The following PTPRT variants were observed in gnomAD, a reference collection of about 807,000 sequenced individuals.
The protein encoded by PTPRT is receptor-type tyrosine-protein phosphatase T.
Under a neutral mutation model 176.8 loss-of-function variants are expected in PTPRT, and 56 were observed. The observed-to-expected ratio is 0.32, with a 90% CI of 0.26 to 0.40. The LOEUF is 0.40. Among genes scored for constraint, PTPRT ranks in the 10% least tolerant of loss-of-function variants. The pLI, the probability that PTPRT is intolerant of heterozygous loss-of-function variation, is 1.00. For synonymous variants in PTPRT, 783 were observed against 739.0 expected (o/e 1.06, Z -0.96); for missense variants, 1,540 against 1,908.2 (o/e 0.81, Z 3.60).
At chr20:42,280,842 T>C (rs2057127231) in intron 13 of PTPRT, among the ~76,000 whole-genome samples, 2 of 152,260 alleles carry the variant, frequency 1.3e-5, no homozygotes, top group East Asian at 1.9e-4. Flanking sequence ...TATGTTCCTA[T>C]TGCTTGTCAG....
At chr20:43,069,829 C>T (rs2011157122) in intron 1 of PTPRT, among the ~76,000 whole-genome samples, 1 of 152,136 alleles carries the variant, frequency 6.6e-6, no homozygotes, top group African/African-American at 2.4e-5. Context: ...ATAGTGGTTA[C>T]TCCAGTTGAG....
intron 7 of PTPRT, among the ~76,000 whole-genome samples, chr20:42,531,398 T>C (rs2072381501): frequency 6.6e-6 from 1 of 152,374 alleles, no homozygotes; most frequent in Non-Finnish European, 1.5e-5. Context: ...AGGAGGTTTC[T>C]ATAAATTGAT....
At chr20:42,652,153 C>T (rs1432002350) in intron 7 of PTPRT, among the ~76,000 whole-genome samples, 39 of 151,540 alleles carry the variant, frequency 2.6e-4, no homozygotes, top group Non-Finnish European at 1.5e-4. Context: ...AGGTAAAATG[C>T]CTGCCACATA....
In PTPRT at chr20:42,624,320, G is replaced by A. The variant is rs151119200; in HGVS notation, c.1153+53546C>T. 2.6e-5 allele frequency among the ~76,000 whole-genome samples: 4 copies of A among 152,246 alleles called. No individual in the cohort carries two copies. The East Asian group carries it at 7.7e-4, about 29-fold the overall frequency. On this transcript the variant is annotated intron_variant, in intron 7 of 30. Transcript: ENST00000373187. ...TAGTTCTGTTGTGATTCAACATATA[G>A]TAATCTCCATTTTAAGAGGACAATA...
chr20:42,800,356 C>T (rs1239476409), intron 2 of PTPRT, among the ~76,000 whole-genome samples: 1 of 152,076 alleles, frequency 6.6e-6, no homozygotes. Flanking sequence ...CGCTGGGGAG[C>T]TGGTTCATGC....
chr20:42,540,707 A>G (rs958232730), intron 7 of PTPRT, among the ~76,000 whole-genome samples: 5 of 152,230 alleles, frequency 3.3e-5, no homozygotes, highest in African/African-American at 1.2e-4. Context: ...AACAAGTCAA[A>G]TATTAGCTTC....
At chr20:43,132,343 G>GA (rs1568803801) in intron 1 of PTPRT, among the ~76,000 whole-genome samples, 1 of 151,888 alleles carries the variant, frequency 6.6e-6, no homozygotes, top group Non-Finnish European at 1.5e-5. Context: ...GCCAAGAATA[G>GA]AAAAAATGGA....
At chr20:43,157,704 C>T (rs781190420) in intron 1 of PTPRT, among the ~76,000 whole-genome samples, 2 of 152,092 alleles carry the variant, frequency 1.3e-5, no homozygotes, top group East Asian at 1.9e-4. Flanking sequence ...AGTTATATAT[C>T]GGTCATCTTA....
At chr20:43,081,630 AT>A (rs1238608867) in intron 1 of PTPRT, among the ~76,000 whole-genome samples, 1 of 152,046 alleles carries the variant, frequency 6.6e-6, no homozygotes, top group African/African-American at 2.4e-5. Flanking sequence ...CTACCTTATT[AT>A]TTTAATCCTT....
chr20:43,050,667 T>A (rs535585920), intron 1 of PTPRT, among the ~76,000 whole-genome samples: 2 of 152,352 alleles, frequency 1.3e-5, no homozygotes, highest in South Asian at 4.1e-4. Flanking sequence ...ACTTCACTTC[T>A]CTGAGCCTCA....
At chr20:42,541,106 G>A (rs1268432929) in intron 7 of PTPRT, among the ~76,000 whole-genome samples, 6 of 152,032 alleles carry the variant, frequency 3.9e-5, no homozygotes, top group Middle Eastern at 3.2e-3. Flanking sequence ...TAAACTATGC[G>A]CACATAGAAC....
intron 25 of PTPRT, among the ~76,000 whole-genome samples, chr20:42,102,938 C>T (rs1261752261): frequency 6.6e-6 from 1 of 152,206 alleles, no homozygotes. Context: ...GTGTTCTGTA[C>T]CCTCCATCCT....
At chr20:42,317,803 C>T (rs1167250784) in intron 11 of PTPRT, among the ~76,000 whole-genome samples, 1 of 152,204 alleles carries the variant, frequency 6.6e-6, no homozygotes, top group African/African-American at 2.4e-5. Context: ...AAAGGAAGCG[C>T]TGGGCATATG....
Position 42,769,178 on chromosome 20 carries a change from C to T in PTPRT, c.684+2257G>A, listed in dbSNP as rs116755665. On this transcript the variant is annotated intron_variant, in intron 5 of 30. Transcript: ENST00000373187. ...GGAAGCAGAAAGAACAGGTATTTCA[C>T]GCTGCTGTGCTGCTATTTGCACTCT... Among the ~76,000 whole-genome samples the T allele has an allele frequency of 3.8e-3, 580 of 152,276 alleles. 5 individuals are homozygous for T. Among genetic ancestry groups the T allele is most frequent in the African/African-American group, 0.013 (556 of 41,560 alleles).
rs966915520 is a variant in PTPRT, at chr20:42,075,568, G to A, written c.*5311C>T. ...GCTTTCTTCATTTTGTCCCAAGGCA[G>A]TGAGGTACCAAGGAATTATCATTTC... On this transcript the variant is annotated 3_prime_UTR_variant, in exon 31 of 31. Coordinates refer to ENST00000373187, the MANE Select transcript of PTPRT (RefSeq NM_007050.6). The A allele has an allele frequency of 9.6e-6, 2 of 209,122 alleles. No homozygotes were observed. The highest frequency in any genetic ancestry group is 9.7e-6 in the Non-Finnish European group (1 of 102,900). 13.0% of individuals were successfully genotyped at this position (209,122 alleles called of 1,614,324 possible).
chr20:42,820,525 A>G (rs1324945201), intron 2 of PTPRT, among the ~76,000 whole-genome samples: 1 of 152,188 alleles, frequency 6.6e-6, no homozygotes, highest in Non-Finnish European at 1.5e-5. Flanking sequence ...AGGCAAGAGC[A>G]AACTAATCCA....
rs142878766 is a variant in PTPRT, at chr20:42,845,195, G to T, written c.214+40612C>A. On this transcript the variant is annotated intron_variant, in intron 2 of 30. Coordinates refer to ENST00000373187, the MANE Select transcript of PTPRT (RefSeq NM_007050.6). ...GAGCAGTCAGACCAGTGCCTTGCTCGATGTCCACTGTTGTTTCTGTTTCGG... is the reference window on the plus strand; with the variant it reads ...GAGCAGTCAGACCAGTGCCTTGCTCTATGTCCACTGTTGTTTCTGTTTCGG... 9.6e-4 allele frequency among the ~76,000 whole-genome samples: 146 copies of T among 152,264 alleles called. 1 individual carries two copies. Among genetic ancestry groups the T allele is most frequent in the African/African-American group, 3.1e-3 (128 of 41,556 alleles).
intron 1 of PTPRT, among the ~76,000 whole-genome samples, chr20:42,905,112 C>G (rs1281676757): frequency 2.0e-5 from 3 of 152,128 alleles, no homozygotes; most frequent in Admixed American, 6.5e-5. Context: ...AAAGAAACTA[C>G]CATCAGAGTG....
intron 1 of PTPRT, among the ~76,000 whole-genome samples, chr20:42,993,591 A>G (rs16987668): frequency 0.061 from 5,327 of 86,976 alleles, 1,025 homozygotes; most frequent in African/African-American, 0.21. Context: ...ATCTGCCATA[A>G]GAACTAAAAC....
Sources: allele counts gnomAD v4.1 joint callset (sites outside exome capture counted in the v4.1 genomes callset), GRCh38; gene constraint gnomAD v4.1.1; transcripts MANE v1.5; gene names NCBI Gene and HGNC (gene_info 2026-07-23, HGNC 2026-07-21).